The following CABIN1 variants were observed in gnomAD, a reference collection of about 807,000 sequenced individuals.
CABIN1 encodes calcineurin binding protein 1.
In CABIN1, 133 loss-of-function variants were observed where a neutral mutation model predicts 227.7. The observed-to-expected ratio is 0.58, with a 90% CI of 0.51 to 0.67. CABIN1 has a LOEUF of 0.67. Ranked by LOEUF, CABIN1 falls within the 30% of genes least tolerant of loss-of-function variation. The pLI is 0.00. For missense variants in CABIN1, 2,408 were observed against 2,852.5 expected (o/e 0.84, Z 3.55); for synonymous variants, 1,086 against 1,155.1 (o/e 0.94, Z 1.21).
intron 23 of CABIN1, among the ~76,000 whole-genome samples, chr22:24,090,025 TG>T (rs2041438856): frequency 6.6e-6 from 1 of 152,206 alleles, no homozygotes; most frequent in African/African-American, 2.4e-5. Flanking sequence ...GCTCTGAGGA[TG>T]GCAAGGTAGT....
chr22:24,150,972 G>T (rs1435913761), intron 29 of CABIN1, among the ~76,000 whole-genome samples: 8 of 152,202 alleles, frequency 5.3e-5, no homozygotes, highest in Non-Finnish European at 1.2e-4. Context: ...TAGTTTGGGG[G>T]TGACTCTGTA....
intron 7 of CABIN1, among the ~76,000 whole-genome samples, chr22:24,050,269 A>C (rs2038222264): frequency 6.6e-6 from 1 of 152,200 alleles, no homozygotes; most frequent in African/African-American, 2.4e-5. Context: ...GAAACAGATA[A>C]ATTCATGAGT....
At chr22:24,026,438 GT>G (rs1440989070) in intron 1 of CABIN1, among the ~76,000 whole-genome samples, 1 of 152,082 alleles carries the variant, frequency 6.6e-6, no homozygotes, top group Non-Finnish European at 1.5e-5. Flanking sequence ...TATGGGTTGT[GT>G]TTTTTTGTGT....
rs781602670 is a variant in CABIN1, at chr22:24,049,190, G to A, written c.626G>A (p.Arg209Gln). ...ATTTTTGAGGAGCAGCCTTGTCTCCGGAAGGACTCTCTCAGAATGTTCCTC... is the reference window on the plus strand; with the variant it reads ...ATTTTTGAGGAGCAGCCTTGTCTCCAGAAGGACTCTCTCAGAATGTTCCTC... ...EKIFEEQPCL[R>Q]KDSLRMFLKC... Residue 209 changes from arginine to glutamine, a missense_variant, in exon 7 of 37, where the codon CGG becomes CAG. By Grantham distance (43) the Arg-to-Gln change is conservative. Around this residue, in one of 3 missense-constraint regions of CABIN1, gnomAD observed 1,045 missense variants for 1,168.4 expected, o/e 0.89. Transcript: ENST00000263119. 6 of 1,613,890 alleles carry A rather than the reference G, an allele frequency of 3.7e-6. No homozygotes were observed. Among genetic ancestry groups the A allele is most frequent in the Middle Eastern group, 1.6e-4 (1 of 6,082 alleles).
At chr22:24,147,384 C>T (rs954485189) in intron 29 of CABIN1, among the ~76,000 whole-genome samples, 10 of 147,828 alleles carry the variant, frequency 6.8e-5, no homozygotes, top group East Asian at 4.0e-4. Context: ...TCCCTCCCTC[C>T]GTTCCTCCCT....
At chr22:24,144,717 G>GC (rs2044998608) in intron 29 of CABIN1, among the ~76,000 whole-genome samples, 1 of 152,154 alleles carries the variant, frequency 6.6e-6, no homozygotes, top group Non-Finnish European at 1.5e-5. Context: ...CTCCCTCAAG[G>GC]CCATCCTAGG....
chr22:24,092,857 A>G (rs2041640534), intron 24 of CABIN1, among the ~76,000 whole-genome samples: 1 of 152,270 alleles, frequency 6.6e-6, no homozygotes, highest in East Asian at 1.9e-4. Context: ...CTATTAACAT[A>G]TAAACATATA....
chr22:24,074,750 C>T (rs1274753558), intron 18 of CABIN1, among the ~76,000 whole-genome samples: 1 of 152,166 alleles, frequency 6.6e-6, no homozygotes, highest in African/African-American at 2.4e-5. Flanking sequence ...CAGAATTGGG[C>T]TTTTGAGCTG....
chr22:24,175,335 C>T (rs556380770), intron 34 of CABIN1, among the ~76,000 whole-genome samples: 1 of 152,348 alleles, frequency 6.6e-6, no homozygotes, highest in South Asian at 2.1e-4. Flanking sequence ...GCTGTCACTC[C>T]TGCTGACCAA....
At chr22:24,024,813 T>G (rs995880064) in intron 1 of CABIN1, among the ~76,000 whole-genome samples, 10 of 152,218 alleles carry the variant, frequency 6.6e-5, no homozygotes, top group Non-Finnish European at 1.2e-4. Context: ...TTTTCAGTTG[T>G]ATTTTTAGTC....
Position 24,098,091 on chromosome 22 carries a change from C to T in CABIN1, c.4016C>T (p.Ser1339Phe). The change falls in exon 26 of 37, where the codon TCC becomes TTC. Residue 1339 changes from serine to phenylalanine, a missense_variant. By Grantham distance (155) the Ser-to-Phe change is radical. Around this residue, in one of 3 missense-constraint regions of CABIN1, gnomAD observed 649 missense variants for 910.3 expected, o/e 0.71. Coordinates refer to ENST00000263119, the MANE Select transcript of CABIN1 (RefSeq NM_012295.4). ...TLPGPGASLP[S>F]SSGPGLTSPP... is the part of the protein sequence containing the mutation. ...CCGGGCCCCGGAGCCTCCCTCCCCTCCTCCTCTGGCCCAGGTCTGACATCC... is the reference window on the plus strand; with the variant it reads ...CCGGGCCCCGGAGCCTCCCTCCCCTTCTCCTCTGGCCCAGGTCTGACATCC... 1 of 1,614,196 alleles carries T rather than the reference C, an allele frequency of 6.2e-7. No homozygotes were observed. The highest frequency in any genetic ancestry group is 1.1e-5 in the South Asian group (1 of 91,084).
At chr22:24,051,153 A>G (rs975044799) in intron 8 of CABIN1, among the ~76,000 whole-genome samples, 179 bp downstream of exon 8, 2 of 152,206 alleles carry the variant, frequency 1.3e-5, no homozygotes, top group Admixed American at 6.5e-5. Flanking sequence ...ACTAAGAAGC[A>G]GGTCAGCTCT....
chr22:24,043,173 T>C, intron 6 of CABIN1, 89 bp downstream of exon 6: 1 of 1,193,548 alleles, frequency 8.4e-7, no homozygotes, highest in Non-Finnish European at 1.2e-6. Flanking sequence ...AAAGCCAAAG[T>C]TAACACTGAA....
chr22:24,113,977 T>C (rs2042943865), intron 27 of CABIN1, among the ~76,000 whole-genome samples: 1 of 152,224 alleles, frequency 6.6e-6, no homozygotes, highest in Non-Finnish European at 1.5e-5. Flanking sequence ...CCACATGTGC[T>C]CAGGGATGCT....
At chr22:24,073,652 G>C (rs1303350476) in intron 18 of CABIN1, among the ~76,000 whole-genome samples, 1 of 152,144 alleles carries the variant, frequency 6.6e-6, no homozygotes, top group Non-Finnish European at 1.5e-5. Flanking sequence ...GGATGGAGAG[G>C]AGGGCACCTG....
chr22:24,080,675 C>G (rs1015226479), intron 19 of CABIN1, among the ~76,000 whole-genome samples: 1 of 151,720 alleles, frequency 6.6e-6, no homozygotes, highest in African/African-American at 2.4e-5. Flanking sequence ...TAGATTGTTG[C>G]CTAGGTTTCA....
At chr22:24,078,347 T>C (rs1226097993) in intron 19 of CABIN1, among the ~76,000 whole-genome samples, 1 of 152,214 alleles carries the variant, frequency 6.6e-6, no homozygotes, top group Non-Finnish European at 1.5e-5. Flanking sequence ...ATTCATTAAT[T>C]TCCCCAGAAA....
intron 1 of CABIN1, among the ~76,000 whole-genome samples, chr22:24,026,404 G>A (rs903034256): frequency 1.5e-4 from 23 of 152,184 alleles, no homozygotes; most frequent in African/African-American, 4.6e-4. Flanking sequence ...CAATTTGGAA[G>A]TTCAGTTTAT....
At chr22:24,044,543 G>T (rs1206221863) in intron 6 of CABIN1, among the ~76,000 whole-genome samples, 1 of 152,130 alleles carries the variant, frequency 6.6e-6, no homozygotes, top group East Asian at 1.9e-4. Flanking sequence ...TTAAGTTCTG[G>T]TTCCTTTTTG....
Sources: gnomAD v4.1 joint callset for allele counts (sites outside exome capture counted in the v4.1 genomes callset) on GRCh38, gnomAD v4.1.1 for gene constraint, gnomAD v4.1.1 regional missense constraint, MANE v1.5 for transcripts, NCBI Gene and HGNC (gene_info 2026-07-23, HGNC 2026-07-21) for gene names.